The following PLOD2 variants were observed in gnomAD, a reference collection of about 807,000 sequenced individuals.
PLOD2 encodes lysine hydroxylase 2.
PLOD2 carries 65 observed loss-of-function variants against 101.0 expected under a neutral mutation model. That is an observed-to-expected ratio of 0.64 (90% CI 0.53 to 0.79). The LOEUF is 0.79. Ranked by LOEUF, PLOD2 falls within the 30% of genes least tolerant of loss-of-function variation. The probability of loss-of-function intolerance (pLI) is 0.00; values close to 1 mark genes in which losing one functional copy is unlikely to be tolerated. For synonymous variants in PLOD2, 314 were observed against 302.9 expected, an observed-to-expected ratio of 1.04 and a Z score of -0.38; for missense variants, 909 against 914.6, an observed-to-expected ratio of 0.99 and a Z score of 0.08.
rs1936402961 is a variant in PLOD2, at chr3:146,077,940, G to C, written c.1501-16C>G. ...TTTGTAAAGTCTAAAATGAAGAGAA[G>C]CATTGGGTAAGTTGACCTGTACACC... On this transcript the variant is annotated splice_polypyrimidine_tract_variant and intron_variant, in intron 13 of 19. Coordinates refer to ENST00000282903, the MANE Select transcript of PLOD2 (RefSeq NM_182943.3). The C allele has an allele frequency of 2.6e-6, 4 of 1,515,736 alleles. No individual in the cohort carries two copies. In the African/African-American group the frequency reaches 5.5e-5, roughly 21 times the overall value. The allele number at this position is 1,515,736 out of a possible 1,614,324, so 93.9% of individuals were successfully genotyped here.
rs1443955801 is a variant in PLOD2 at position 146,104,358 on chromosome 3, AGAAAT to A, written c.616-21_616-17del. On this transcript the variant is annotated splice_polypyrimidine_tract_variant and intron_variant, in intron 5 of 19. Coordinates refer to ENST00000282903, the MANE Select transcript of PLOD2 (RefSeq NM_182943.3). ...TAATAGCTTCCTAAAACATAAGAAT[AGAAAT>A]GATATTGAAAATGACAACAAAAACA... 1 of 1,312,624 alleles carries A rather than the reference AGAAAT, an allele frequency of 7.6e-7. No individual in the cohort carries two copies. Among genetic ancestry groups the A allele is most frequent in the Non-Finnish European group, 1.1e-6 (1 of 905,226 alleles). 81.3% of individuals were successfully genotyped at this position (1,312,624 alleles called of 1,614,324 possible).
At chr3:146,143,395 T>C (rs2031622527) in intron 1 of PLOD2, among the ~76,000 whole-genome samples, 1 of 151,500 alleles carries the variant, frequency 6.6e-6, no homozygotes, top group East Asian at 1.9e-4. Flanking sequence ...GAATAAAATT[T>C]GGAGTCATCC....
intron 3 of PLOD2, among the ~76,000 whole-genome samples, chr3:146,111,875 A>G (rs1937648799): frequency 6.6e-6 from 1 of 152,102 alleles, no homozygotes; most frequent in South Asian, 2.1e-4. Context: ...AGACTGGGAA[A>G]TAAGACCAGT....
In PLOD2 at chr3:146,121,114, T is replaced by C. The variant is rs1576610763; in HGVS notation, c.336A>G (p.Glu112=). 4 of 1,597,656 alleles carry C rather than the reference T, an allele frequency of 2.5e-6. No individual in the cohort carries two copies. The highest frequency in any genetic ancestry group is 3.4e-6 in the Non-Finnish European group (4 of 1,165,202). The change falls in exon 3 of 20, where the codon GAA becomes GAG. Residue 112 remains glutamate, a splice_region_variant and synonymous_variant. Coordinates refer to ENST00000282903, the MANE Select transcript of PLOD2 (RefSeq NM_182943.3). ...AATCCACAGGGTGTTTCTCCTACCA[T>C]TCAGTAAACATGACAACCAGATCAT... is the stretch of plus-strand genomic sequence containing the variant. The part of the protein sequence containing the change: ...DQDDLVVMFT[E]CFDVIFAGGP...
In PLOD2 at chr3:146,092,001, G is replaced by A. The variant is rs537191268; in HGVS notation, c.778-100C>T. On this transcript the variant is annotated intron_variant, in intron 7 of 19. Transcript: ENST00000282903. ...TTTAAAAGCATGTTTTCTGCAGCAG[G>A]TATATTCCTTTAGTAATTCTACTAA... 146 of 709,608 alleles carry A rather than the reference G, an allele frequency of 2.1e-4. No homozygotes were observed. The South Asian group carries it at 2.1e-3, about 10-fold the overall frequency. The allele number at this position is 709,608 out of a possible 1,614,324, so 44.0% of individuals were successfully genotyped here.
intron 1 of PLOD2, among the ~76,000 whole-genome samples, chr3:146,131,811 C>T (rs2030927453): frequency 6.6e-6 from 1 of 151,980 alleles, no homozygotes; most frequent in Non-Finnish European, 1.5e-5. Flanking sequence ...GAACTGAAGG[C>T]ACGAAGTCTA....
At chr3:146,128,266 T>C (rs1253503720) in intron 1 of PLOD2, among the ~76,000 whole-genome samples, 1 of 152,104 alleles carries the variant, frequency 6.6e-6, no homozygotes, top group East Asian at 1.9e-4. Flanking sequence ...ACCACCAATC[T>C]ATAACAGCAA....
chr3:146,145,307 G>T lies in PLOD2; in HGVS notation c.109+15574C>A, dbSNP rs972800885. ...TGACATAATAAACCTAGATAGGCATGTATTAATCTAATCCAGCCATTCCCA... is the reference window on the plus strand; with the variant it reads ...TGACATAATAAACCTAGATAGGCATTTATTAATCTAATCCAGCCATTCCCA... On this transcript the variant is annotated intron_variant, in intron 1 of 19. Transcript: ENST00000282903. Among the ~76,000 whole-genome samples, 4 of 152,270 alleles carry T rather than the reference G, an allele frequency of 2.6e-5. No homozygotes were observed. The East Asian group carries it at 7.7e-4, about 29-fold the overall frequency.
chr3:146,084,727 G>T (rs1936695459), intron 11 of PLOD2, among the ~76,000 whole-genome samples: 1 of 152,056 alleles, frequency 6.6e-6, no homozygotes. Flanking sequence ...TAGTTCAACA[G>T]TAAATAAAGC....
intron 1 of PLOD2, among the ~76,000 whole-genome samples, chr3:146,156,940 C>T (rs67325724): frequency 0.13 from 19,525 of 152,224 alleles, 1,369 homozygotes; most frequent in East Asian, 0.23. Flanking sequence ...TGGCACCCAA[C>T]TACCTGAAAG....
Position 146,102,755 on chromosome 3 carries a change from C to T in PLOD2, c.777G>A (p.Lys259=), listed in dbSNP as rs746924718. The change falls in exon 7 of 20, where the codon AAG becomes AAA. Residue 259 remains lysine, a splice_region_variant and synonymous_variant. Coordinates refer to ENST00000282903, the MANE Select transcript of PLOD2 (RefSeq NM_182943.3). ...CCAAATAAAAGTAACTGTTACTTAC[C>T]TTGGTGGGTCCATTTCCATTAATTG... The part of the protein sequence containing the change: ...PVAINGNGPT[K]ILLNYFGNYV... 6 of 1,479,526 alleles carry T rather than the reference C, an allele frequency of 4.1e-6. No individual in the cohort carries two copies. The highest frequency in any genetic ancestry group is 1.4e-5 in the African/African-American group (1 of 72,244). 91.6% of individuals were successfully genotyped at this position (1,479,526 alleles called of 1,614,324 possible). A position where few individuals can be genotyped will look rare whatever the true frequency, so the allele number is the denominator to read the frequency against.
At position 146,076,939 on chromosome 3, in the gene PLOD2, A is replaced by C. The variant is rs751503992; in HGVS notation, c.1564-44T>G. On this transcript the variant is annotated intron_variant, in intron 14 of 19. Transcript: ENST00000282903. ...CAGTATTAATCTTAGAGGTAGGTACAAAAGTAAATTTAATCATAGGAAAAA... is the reference window on the plus strand; with the variant it reads ...CAGTATTAATCTTAGAGGTAGGTACCAAAGTAAATTTAATCATAGGAAAAA... The C allele has an allele frequency of 1.0e-5, 14 of 1,406,488 alleles. No individual in the cohort carries two copies. In the African/African-American group the frequency reaches 1.7e-4, roughly 17 times the overall value. 87.1% of individuals were successfully genotyped at this position (1,406,488 alleles called of 1,614,324 possible).
chr3:146,079,202 G>C lies in PLOD2; in HGVS notation c.1414C>G (p.Leu472Val). 1 of 1,610,250 alleles carries C rather than the reference G, an allele frequency of 6.2e-7. No individual in the cohort carries two copies. The highest frequency in any genetic ancestry group is 8.5e-7 in the Non-Finnish European group (1 of 1,176,666). Residue 472 changes from leucine to valine, a missense_variant, in exon 13 of 20, where the codon CTC becomes GTC. Transcript: ENST00000282903. ...TTCCTTTCATTCATCTCTGATCGGA[G>C]TGTCTTTCCTTTAATTAAGTACACA... is the stretch of plus-strand genomic sequence containing the variant. ...ANVYLIKGKT[L>V]RSEMNERNYF...
intron 1 of PLOD2, among the ~76,000 whole-genome samples, chr3:146,151,131 A>G (rs2032035758): frequency 6.6e-6 from 1 of 152,320 alleles, no homozygotes; most frequent in Admixed American, 6.5e-5. Flanking sequence ...AACAAATAAT[A>G]GTAAGTTTTC....
intron 8 of PLOD2, among the ~76,000 whole-genome samples, chr3:146,091,578 C>A (rs1936969913): frequency 6.6e-6 from 1 of 151,888 alleles, no homozygotes; most frequent in Admixed American, 6.6e-5. Context: ...AACCACAGGA[C>A]TCTTTCATTA....
chr3:146,139,084 G>C (rs2031391812), intron 1 of PLOD2, among the ~76,000 whole-genome samples: 1 of 152,112 alleles, frequency 6.6e-6, no homozygotes, highest in Non-Finnish European at 1.5e-5. Flanking sequence ...AGAGTGTTCT[G>C]AACAGTGTTC....
At chr3:146,114,063 A>G (rs1220713951) in intron 3 of PLOD2, among the ~76,000 whole-genome samples, 1 of 152,158 alleles carries the variant, frequency 6.6e-6, no homozygotes, top group Non-Finnish European at 1.5e-5. Context: ...TCCCAGGCCT[A>G]TTAGGACGAG....
intron 1 of PLOD2, among the ~76,000 whole-genome samples, chr3:146,128,687 GA>G (rs111697639): frequency 5.4e-5 from 8 of 147,258 alleles, no homozygotes; most frequent in African/African-American, 7.5e-5. Context: ...AGCTCTAGAA[GA>G]AAAAAAAAAT....
intron 1 of PLOD2, among the ~76,000 whole-genome samples, chr3:146,126,549 G>C (rs1649955822): frequency 6.6e-6 from 1 of 152,132 alleles, no homozygotes; most frequent in Admixed American, 6.6e-5. Context: ...ACAGGAAAGA[G>C]ATGTCAGCAA....
Sources: allele counts gnomAD v4.1 joint callset (sites outside exome capture counted in the v4.1 genomes callset), GRCh38; gene constraint gnomAD v4.1.1; transcripts MANE v1.5; gene names NCBI Gene and HGNC (gene_info 2026-07-23, HGNC 2026-07-21).